The following EYS variants were observed in gnomAD, a reference collection of about 807,000 sequenced individuals.
EYS encodes protein eyes shut homolog.
In EYS, 250 loss-of-function variants were observed where a neutral mutation model predicts 282.1. The observed-to-expected ratio is 0.89, with a 90% confidence interval of 0.80 to 0.98. The LOEUF is 0.98. EYS is among the 50% of genes least tolerant of loss of function. The pLI is 0.00. For synonymous variants in EYS, 1,355 were observed against 1,282.9 expected (o/e 1.06, Z -1.20); for missense variants, 4,016 against 3,709.0 (o/e 1.08, Z -2.15).
intron 1 of EYS, among the ~76,000 whole-genome samples, chr6:65,645,849 C>T (rs1767431734): frequency 6.6e-6 from 1 of 151,926 alleles, no homozygotes; most frequent in Admixed American, 6.6e-5. Context: ...GGAGATATTA[C>T]TATTGATACC....
chr6:65,485,249 A>G (rs1765746906), intron 5 of EYS, among the ~76,000 whole-genome samples: 1 of 152,230 alleles, frequency 6.6e-6, no homozygotes, highest in Non-Finnish European at 1.5e-5. Context: ...TGCATACATT[A>G]ATTGAGCAAT....
At chr6:65,176,109 A>G (rs1397609905) in intron 12 of EYS, among the ~76,000 whole-genome samples, 2 of 151,396 alleles carry the variant, frequency 1.3e-5, no homozygotes, top group East Asian at 2.0e-4. Flanking sequence ...CTTATGATCT[A>G]TTTTCTTAGG....
At chr6:63,931,556 A>G (rs1475055925) in intron 35 of EYS, among the ~76,000 whole-genome samples, 1 of 152,208 alleles carries the variant, frequency 6.6e-6, no homozygotes, top group African/African-American at 2.4e-5. Flanking sequence ...TTCAGGAAGT[A>G]CATGGTTCAA....
At position 63,754,935 on chromosome 6, in the gene EYS, G is replaced by A. The variant is rs149179107; in HGVS notation, c.8071+7526C>T. 4.2e-3 allele frequency among the ~76,000 whole-genome samples: 645 copies of A among 152,288 alleles called. 1 individual carries two copies. The highest frequency in any genetic ancestry group is 7.5e-3 in the Admixed American group (114 of 15,300). On this transcript the variant is annotated intron_variant, in intron 41 of 42. Transcript: ENST00000503581. Reference sequence around the variant, plus strand: ...TGATTTTTATTTGCATTTCTCTGATGATCAGTGATGATGAGCATGTTTTTA... The same window carrying A: ...TGATTTTTATTTGCATTTCTCTGATAATCAGTGATGATGAGCATGTTTTTA...
chr6:63,726,668 C>T lies in EYS; in HGVS notation c.8084G>A (p.Ser2695Asn), dbSNP rs1167643067. ...GIYCEQALSISDPSFRSNELS... is the reference protein window; with the variant it reads ...GIYCEQALSINDPSFRSNELS... The stretch of plus-strand genomic sequence containing the variant: ...CTCATTGCTTCTGAAAGATGGATCA[C>T]TTATGGATAAAGCTGAGGGAAGGAG... Residue 2695 changes from serine to asparagine, a missense_variant, in exon 42 of 43, where the codon AGT becomes AAT. Ser to Asn is a conservative substitution (Grantham distance 46). Coordinates refer to ENST00000503581, the MANE Select transcript of EYS (RefSeq NM_001142800.2). The T allele has an allele frequency of 8.4e-6, 13 of 1,550,958 alleles. No homozygotes were observed. The highest frequency in any genetic ancestry group is 1.1e-5 in the Non-Finnish European group (13 of 1,146,666).
intron 26 of EYS, among the ~76,000 whole-genome samples, chr6:64,582,884 A>T (rs1216076339): frequency 6.6e-6 from 1 of 152,166 alleles, no homozygotes; most frequent in Non-Finnish European, 1.5e-5. Context: ...TGTACAGGAA[A>T]GAAAATGCCA....
intron 22 of EYS, among the ~76,000 whole-genome samples, chr6:64,721,856 A>G (rs75646448): frequency 0.019 from 2,877 of 152,210 alleles, 77 homozygotes; most frequent in African/African-American, 0.063. Context: ...TAGGCCTTAC[A>G]TTTGTAGGGC....
chr6:64,949,404 C>A (rs748101044), intron 14 of EYS, among the ~76,000 whole-genome samples: 3 of 151,798 alleles, frequency 2.0e-5, no homozygotes, highest in Non-Finnish European at 4.4e-5. Flanking sequence ...TGCTAGCTAC[C>A]AGGTAAAGAC....
At chr6:63,762,706 T>A in intron 40 of EYS, 73 bp from the exon 41 acceptor site, 1 of 1,340,602 alleles carries the variant, frequency 7.5e-7, no homozygotes, top group South Asian at 1.5e-5. Context: ...ATTGCCCTGA[T>A]GCTAACTTGT....
chr6:63,951,999 C>A (rs1203376246), intron 35 of EYS, among the ~76,000 whole-genome samples: 1 of 152,156 alleles, frequency 6.6e-6, no homozygotes, highest in Non-Finnish European at 1.5e-5. Context: ...CCCTCAAACC[C>A]CACAAAAGTA....
intron 22 of EYS, among the ~76,000 whole-genome samples, chr6:64,656,279 G>C (rs1768741551): frequency 6.6e-6 from 1 of 152,158 alleles, no homozygotes; most frequent in Non-Finnish European, 1.5e-5. Flanking sequence ...GGTGGGGAAA[G>C]AAGATTTTCC....
chr6:64,066,807 C>G (rs562418695), intron 32 of EYS, among the ~76,000 whole-genome samples: 1 of 152,160 alleles, frequency 6.6e-6, no homozygotes, highest in African/African-American at 2.4e-5. Context: ...AGAGTAACTA[C>G]TGTGAGTATT....
intron 23 of EYS, among the ~76,000 whole-genome samples, chr6:64,623,984 G>T (rs1033573437): frequency 2.6e-5 from 4 of 152,138 alleles, no homozygotes; most frequent in Admixed American, 6.6e-5. Flanking sequence ...GGCTGGAGCA[G>T]AGACAGGAGT....
At chr6:65,110,901 A>T (rs1361765703) in intron 12 of EYS, among the ~76,000 whole-genome samples, 3 of 152,114 alleles carry the variant, frequency 2.0e-5, no homozygotes, top group Non-Finnish European at 4.4e-5. Flanking sequence ...TATAGCATAG[A>T]GAACAAATTT....
intron 31 of EYS, among the ~76,000 whole-genome samples, chr6:64,217,501 C>T (rs1385449622): frequency 6.6e-6 from 1 of 152,076 alleles, no homozygotes; most frequent in African/African-American, 2.4e-5. Flanking sequence ...TGCACTGCAG[C>T]CCGAGTGACA....
At chr6:65,239,448 G>C (rs1432035839) in intron 12 of EYS, among the ~76,000 whole-genome samples, 1 of 151,902 alleles carries the variant, frequency 6.6e-6, no homozygotes, top group Non-Finnish European at 1.5e-5. Context: ...TATAAACTTT[G>C]CTAAATACAT....
chr6:65,342,319 ATT>A (rs754354882), intron 10 of EYS, among the ~76,000 whole-genome samples: 10 of 151,084 alleles, frequency 6.6e-5, no homozygotes, highest in Non-Finnish European at 1.3e-4. Flanking sequence ...TATAATCGAA[ATT>A]TTAATAACAG....
At chr6:65,638,677 CA>C (rs1767174391) in intron 2 of EYS, among the ~76,000 whole-genome samples, 1 of 152,246 alleles carries the variant, frequency 6.6e-6, no homozygotes, top group African/African-American at 2.4e-5. Context: ...CACCGCGCTG[CA>C]GCAGCCAGCA....
chr6:64,538,199 T>G (rs1764588704), intron 26 of EYS, among the ~76,000 whole-genome samples: 1 of 152,210 alleles, frequency 6.6e-6, no homozygotes. Context: ...AGGTTTTATT[T>G]AAGCTTGAGG....
Sources: gnomAD v4.1 joint callset for allele counts (sites outside exome capture counted in the v4.1 genomes callset) on GRCh38, gnomAD v4.1.1 for gene constraint, MANE v1.5 for transcripts, NCBI Gene and HGNC (gene_info 2026-07-23, HGNC 2026-07-21) for gene names.